Variants in ZMYND8 observed in about 807,000 individuals in gnomAD.
The protein encoded by ZMYND8 is zinc finger MYND-type containing 8.
ZMYND8 carries 37 observed loss-of-function variants against 140.8 expected under a neutral mutation model. The observed-to-expected ratio is 0.26, with a 90% CI of 0.20 to 0.35. ZMYND8 has a LOEUF of 0.35. Ranked by LOEUF, ZMYND8 falls within the 10% of genes least tolerant of loss-of-function variation. The pLI, the probability that ZMYND8 is intolerant of heterozygous loss-of-function variation, is 1.00. For synonymous variants in ZMYND8, 592 were observed against 597.1 expected (o/e 0.99, Z 0.12); for missense variants, 1,068 against 1,570.0 (o/e 0.68, Z 5.40).
At chr20:47,248,299 T>C (rs2073894841) in intron 13 of ZMYND8, among the ~76,000 whole-genome samples, 1 of 151,354 alleles carries the variant, frequency 6.6e-6, no homozygotes. Flanking sequence ...AAATCAAGAG[T>C]TGGGCCAGCT....
At chr20:47,226,151 T>TAAAAAA (rs3092455) in intron 18 of ZMYND8, among the ~76,000 whole-genome samples, 1 of 132,218 alleles carries the variant, frequency 7.6e-6, no homozygotes, top group African/African-American at 2.8e-5. Flanking sequence ...GACTCTGTCT[T>TAAAAAA]AAAAAAAAAA....
chr20:47,236,732 G>A (rs1047161657), intron 15 of ZMYND8, among the ~76,000 whole-genome samples: 2 of 152,184 alleles, frequency 1.3e-5, no homozygotes, highest in Non-Finnish European at 2.9e-5. Context: ...GTTTCTAAGA[G>A]CTCAAGAGTG....
intron 11 of ZMYND8, among the ~76,000 whole-genome samples, chr20:47,267,939 G>T (rs953176206): frequency 1.3e-5 from 2 of 151,734 alleles, no homozygotes; most frequent in South Asian, 2.1e-4. Context: ...GGCCTCCCTT[G>T]TTGGCCACCT....
chr20:47,213,311 G>A (rs975195693), intron 21 of ZMYND8, among the ~76,000 whole-genome samples: 1 of 152,150 alleles, frequency 6.6e-6, no homozygotes, highest in Non-Finnish European at 1.5e-5. Flanking sequence ...GATATGAAAG[G>A]AGTCTCCGTA....
chr20:47,310,954 C>A (rs1339319364), intron 2 of ZMYND8, among the ~76,000 whole-genome samples: 1 of 152,160 alleles, frequency 6.6e-6, no homozygotes, highest in Non-Finnish European at 1.5e-5. Flanking sequence ...AGTCATCACA[C>A]AGGGACCAGT....
At chr20:47,297,305 A>G (rs181933302) in intron 4 of ZMYND8, among the ~76,000 whole-genome samples, 7 of 152,282 alleles carry the variant, frequency 4.6e-5, no homozygotes, top group Admixed American at 1.3e-4. Flanking sequence ...CTCCCTACAC[A>G]AAAGTATGAC....
At chr20:47,322,886 T>A (rs2080093148) in intron 2 of ZMYND8, among the ~76,000 whole-genome samples, 1 of 152,190 alleles carries the variant, frequency 6.6e-6, no homozygotes. Flanking sequence ...TGCCACCTGG[T>A]AATTCTCCAT....
At chr20:47,285,844 T>C (rs1156822717) in intron 8 of ZMYND8, 1 of 981,952 alleles carries the variant, frequency 1.0e-6, no homozygotes, top group Non-Finnish European at 1.2e-6. Context: ...ACAGAGAAAA[T>C]ACATAAAATA....
At chr20:47,251,862 CTCTG>C (rs1175186708) in intron 12 of ZMYND8, among the ~76,000 whole-genome samples, 4 of 152,010 alleles carry the variant, frequency 2.6e-5, no homozygotes, top group Non-Finnish European at 5.9e-5. Flanking sequence ...TGAGGAGCAC[CTCTG>C]TCTGGCCGCC....
intron 2 of ZMYND8, among the ~76,000 whole-genome samples, chr20:47,327,470 A>G (rs1182836125): frequency 6.6e-6 from 1 of 151,914 alleles, no homozygotes; most frequent in Non-Finnish European, 1.5e-5. Context: ...CCTGGCCAAC[A>G]TGATGAAACC....
In ZMYND8 at chr20:47,270,433, C is replaced by T. The variant is rs560216605; in HGVS notation, c.1480+5881G>A. Among the ~76,000 whole-genome samples, 4 of 127,882 alleles carry T rather than the reference C, an allele frequency of 3.1e-5. No homozygotes were observed. The South Asian group carries it at 7.4e-4, about 24-fold the overall frequency. The allele number at this position is 127,882 out of a possible 152,430, so 83.9% of individuals were successfully genotyped here. A position where few individuals can be genotyped will look rare whatever the true frequency, so the allele number is the denominator to read the frequency against. ...AAAAATAAAAAATTAAAAAAGAATA[C>T]AAGGTTAAGCTTTAAAAAAATAAAT... On this transcript the variant is annotated intron_variant, in intron 11 of 22. Coordinates refer to ENST00000471951, the MANE Select transcript of ZMYND8 (RefSeq NM_001281775.3).
chr20:47,307,094 G>T (rs2148171561), intron 3 of ZMYND8, among the ~76,000 whole-genome samples: 1 of 152,232 alleles, frequency 6.6e-6, no homozygotes, highest in East Asian at 1.9e-4. Flanking sequence ...GAGAAGTGGG[G>T]CCCTGAGAGG....
Position 47,236,480 on chromosome 20 carries a change from G to A in ZMYND8, c.2702C>T (p.Thr901Met), listed in dbSNP as rs373435522. The A allele has an allele frequency of 1.8e-5, 29 of 1,605,152 alleles. No homozygotes were observed. In the Middle Eastern group the frequency reaches 5.0e-4, roughly 28 times the overall value. Residue 901 changes from threonine to methionine, a missense_variant, in exon 16 of 23, where the codon ACG becomes ATG. Around this residue, in one of 10 missense-constraint regions of ZMYND8, gnomAD observed 383 missense variants for 431.2 expected, o/e 0.89. Transcript: ENST00000471951. ...GCTGGTCACCAGGGTGATGGTGGACGTGGATGGGCTCTGTGTGATCTCCTT... is the reference window on the plus strand; with the variant it reads ...GCTGGTCACCAGGGTGATGGTGGACATGGATGGGCTCTGTGTGATCTCCTT... ...QQKEITQSPS[T>M]STITLVTSTQ...
At chr20:47,302,826 A>G (rs1242222684) in intron 3 of ZMYND8, among the ~76,000 whole-genome samples, 1 of 152,212 alleles carries the variant, frequency 6.6e-6, no homozygotes, top group Non-Finnish European at 1.5e-5. Context: ...GCTAGAGGGG[A>G]AAAAACATCT....
intron 10 of ZMYND8, among the ~76,000 whole-genome samples, chr20:47,279,427 G>C (rs935986844): frequency 4.6e-5 from 7 of 151,800 alleles, no homozygotes; most frequent in Non-Finnish European, 1.0e-4. Flanking sequence ...AACAAAGCGA[G>C]ACCCCGCCTC....
Position 47,276,694 on chromosome 20 carries a change from T to C in ZMYND8, c.1100A>G (p.Glu367Gly). Residue 367 changes from glutamate to glycine, a missense_variant, in exon 11 of 23, where the codon GAG (glutamate) becomes GGG (glycine). By Grantham distance (98) the Glu-to-Gly change is moderately conservative (BLOSUM62 -2). This residue lies in a region of ZMYND8 where 49 missense variants were observed against 94.1 expected (regional missense o/e 0.52). Transcript: ENST00000471951. ...SIFNSAMQEM[E>G]VYVENIRRKF... ...CCTGCGGATGTTCTCCACGTAAACC[T>C]CCATCTCTTGCATGGCACTGTTGAA... 4 of 1,613,986 alleles carry C rather than the reference T, an allele frequency of 2.5e-6. No individual in the cohort carries two copies. The highest frequency in any genetic ancestry group is 3.4e-6 in the Non-Finnish European group (4 of 1,179,998).
At chr20:47,217,507 A>G (rs1343282845) in intron 21 of ZMYND8, among the ~76,000 whole-genome samples, 1 of 152,174 alleles carries the variant, frequency 6.6e-6, no homozygotes, top group African/African-American at 2.4e-5. Flanking sequence ...TGCTTCCGTC[A>G]TATTTAATGC....
chr20:47,334,074 A>C (rs369351929), intron 2 of ZMYND8, among the ~76,000 whole-genome samples: 2 of 152,336 alleles, frequency 1.3e-5, no homozygotes, highest in African/African-American at 4.8e-5. Flanking sequence ...AAAATCATCT[A>C]ATGCGAAGCC....
At chr20:47,289,413 T>C (rs2077118672) in intron 7 of ZMYND8, among the ~76,000 whole-genome samples, 1 of 152,080 alleles carries the variant, frequency 6.6e-6, no homozygotes, top group African/African-American at 2.4e-5. Flanking sequence ...ACGTAGTAAG[T>C]TAAATAAAAT....
Sources: gnomAD v4.1 joint callset for allele counts (sites outside exome capture counted in the v4.1 genomes callset) on GRCh38, gnomAD v4.1.1 for gene constraint, gnomAD v4.1.1 regional missense constraint, MANE v1.5 for transcripts, NCBI Gene and HGNC (gene_info 2026-07-23, HGNC 2026-07-21) for gene names.